The following APP variants were observed in gnomAD, a reference collection of about 807,000 sequenced individuals.
The protein encoded by APP is amyloid-beta precursor protein.
In APP, 31 loss-of-function variants were observed where a neutral mutation model predicts 101.4. That is an observed-to-expected ratio of 0.31 (90% CI 0.23 to 0.41). The LOEUF (loss-of-function observed/expected upper bound fraction) is 0.41, where lower values mean the gene tolerates loss of function less well. Ranked by LOEUF, APP falls within the 10% of genes least tolerant of loss-of-function variation. APP has a pLI of 1.00. For missense variants in APP, 839 were observed against 1,003.7 expected (o/e 0.84, Z 2.22); for synonymous variants, 366 against 364.4 (o/e 1.00, Z -0.05).
At chr21:26,036,270 TG>T (rs2045104764) in intron 5 of APP, among the ~76,000 whole-genome samples, 1 of 14,650 alleles carries the variant, frequency 6.8e-5, no homozygotes, top group African/African-American at 3.0e-4. Flanking sequence ...AAGGCTAGGG[TG>T]GGGGTGGGGG....
intron 13 of APP, among the ~76,000 whole-genome samples, chr21:25,912,248 T>G (rs2039113947): frequency 6.6e-6 from 1 of 152,182 alleles, no homozygotes; most frequent in Admixed American, 6.5e-5. Flanking sequence ...GTGGCACTGC[T>G]AGAGGTGAAA....
intron 3 of APP, among the ~76,000 whole-genome samples, chr21:26,085,462 T>C (rs1405691762): frequency 6.6e-6 from 1 of 152,180 alleles, no homozygotes; most frequent in Non-Finnish European, 1.5e-5. Flanking sequence ...ATTTCCACAG[T>C]GCAGGTCGGT....
intron 1 of APP, among the ~76,000 whole-genome samples, chr21:26,140,889 G>A (rs72635017): frequency 0.032 from 4,946 of 152,222 alleles, 131 homozygotes; most frequent in East Asian, 0.11. Context: ...CTTTTCCAAC[G>A]TTAAAACAAC....
In APP at chr21:26,005,780, C is replaced by CA. The variant is rs560979436; in HGVS notation, c.866-5599dup. ...CTACTGAAACTTCTAAAAACATCAG[C>CA]AAAAAACCTGTTTCACATTAATTAC... On this transcript the variant is annotated intron_variant, in intron 6 of 17. Coordinates refer to ENST00000346798, the MANE Select transcript of APP (RefSeq NM_000484.4). Among the ~76,000 whole-genome samples, 24 of 152,186 alleles carry CA rather than the reference C, an allele frequency of 1.6e-4. No individual in the cohort carries two copies. In the East Asian group the frequency reaches 3.5e-3, roughly 22 times the overall value.
chr21:26,168,541 T>C (rs1157868201), intron 1 of APP, among the ~76,000 whole-genome samples: 4 of 152,204 alleles, frequency 2.6e-5, no homozygotes, highest in African/African-American at 9.6e-5. Context: ...AATTCGAATC[T>C]GCCTACATGC....
intron 5 of APP, among the ~76,000 whole-genome samples, chr21:26,023,137 A>G (rs1415270322): frequency 6.6e-6 from 1 of 152,224 alleles, no homozygotes; most frequent in Non-Finnish European, 1.5e-5. Context: ...TGCGTACCCT[A>G]TGGTTACTAA....
intron 5 of APP, among the ~76,000 whole-genome samples, chr21:26,043,495 T>C (rs1443056612): frequency 6.6e-6 from 1 of 151,752 alleles, no homozygotes; most frequent in Non-Finnish European, 1.5e-5. Flanking sequence ...CCTCCCAAAG[T>C]GCTGGGATTA....
intron 9 of APP, among the ~76,000 whole-genome samples, chr21:25,976,889 T>C (rs2042245198): frequency 1.3e-5 from 2 of 152,140 alleles, no homozygotes; most frequent in Non-Finnish European, 2.9e-5. Context: ...TTGTGAGAAG[T>C]GGGTTGTTAT....
chr21:25,978,360 G>C (rs546413809), intron 9 of APP, among the ~76,000 whole-genome samples: 8 of 152,256 alleles, frequency 5.3e-5, no homozygotes, highest in African/African-American at 1.7e-4. Context: ...TGCTGACCCT[G>C]TATTAAGAGC....
At chr21:26,099,013 T>C (rs889100269) in intron 2 of APP, among the ~76,000 whole-genome samples, 3 of 152,222 alleles carry the variant, frequency 2.0e-5, no homozygotes, top group Admixed American at 6.5e-5. Context: ...ATTACTGCAA[T>C]TCAGTGACAG....
At chr21:25,990,465 T>G (rs59521840) in intron 8 of APP, among the ~76,000 whole-genome samples, 45,941 of 152,004 alleles carry the variant, frequency 0.3, 7,712 homozygotes, top group African/African-American at 0.45. Flanking sequence ...GCGTCCAGAA[T>G]GGGTTAACCT....
chr21:26,102,971 C>A (rs1239039376), intron 2 of APP, among the ~76,000 whole-genome samples: 2 of 142,568 alleles, frequency 1.4e-5, no homozygotes, highest in Non-Finnish European at 3.1e-5. Context: ...ATGAGAGATA[C>A]TTTTTGCTTC....
intron 8 of APP, among the ~76,000 whole-genome samples, chr21:25,983,979 A>C (rs1305589303): frequency 6.6e-6 from 1 of 152,218 alleles, no homozygotes; most frequent in Non-Finnish European, 1.5e-5. Flanking sequence ...TCCATGTTTC[A>C]ATTTTTTTAT....
Position 25,911,970 on chromosome 21 carries a change from AAAC to A in APP, c.1688-11_1688-9del. The A allele has an allele frequency of 6.2e-7, 1 of 1,606,872 alleles. No homozygotes were observed. Among genetic ancestry groups the A allele is most frequent in the Non-Finnish European group, 8.5e-7 (1 of 1,173,506 alleles). On this transcript the variant is annotated splice_polypyrimidine_tract_variant and intron_variant, in intron 13 of 17. Transcript: ENST00000346798. ...CTTTCTGAAGCAGCTCATCTAAACC[AAAC>A]AAAACCATCTCTTTGGTGAGTAACA...
Position 25,882,532 on chromosome 21 carries a change from C to T in APP, c.2212-761G>A, listed in dbSNP as rs538528340. On this transcript the variant is annotated intron_variant, in intron 17 of 17. Transcript: ENST00000346798. ...CTAAGGTCAGGCCAGTAACTGAAGA[C>T]GTTTTTCTCCCCCTGTCACTGTTAG... 5.5e-4 allele frequency among the ~76,000 whole-genome samples: 84 copies of T among 151,640 alleles called. 1 individual carries two copies. Among genetic ancestry groups the T allele is most frequent in the Non-Finnish European group, 4.7e-4 (32 of 67,976 alleles).
intron 16 of APP, among the ~76,000 whole-genome samples, chr21:25,895,551 C>A (rs2037984680): frequency 6.6e-6 from 1 of 152,120 alleles, no homozygotes; most frequent in Non-Finnish European, 1.5e-5. Context: ...TCTGAAATTT[C>A]CAAGGTATGC....
chr21:26,040,375 G>C (rs973853947), intron 5 of APP, among the ~76,000 whole-genome samples: 1 of 152,190 alleles, frequency 6.6e-6, no homozygotes, highest in Admixed American at 6.5e-5. Context: ...GCCGAGGCCA[G>C]TGGATCACTT....
At chr21:26,056,091 T>C (rs1182551580) in intron 3 of APP, among the ~76,000 whole-genome samples, 1 of 152,218 alleles carries the variant, frequency 6.6e-6, no homozygotes, top group Non-Finnish European at 1.5e-5. Context: ...GGCTGGAATG[T>C]AGTGGTTGGA....
chr21:26,170,777 C>G (rs900835195), upstream of APP: 10 of 776,398 alleles, frequency 1.3e-5, no homozygotes, highest in South Asian at 1.1e-4. Context: ...TGACGGAGCC[C>G]GAGCGCGGCG....
Sources: gnomAD v4.1 joint callset for allele counts (sites outside exome capture counted in the v4.1 genomes callset) on GRCh38, gnomAD v4.1.1 for gene constraint, MANE v1.5 for transcripts, NCBI Gene and HGNC (gene_info 2026-07-23, HGNC 2026-07-21) for gene names.